CCDC144A: variants seen among roughly 807,000 people sequenced by gnomAD.
CCDC144A encodes the protein coiled-coil domain-containing protein 144A.
In CCDC144A, 41 loss-of-function variants were observed where a neutral mutation model predicts 143.8. The ratio of observed to expected loss-of-function variants is 0.29; its 90% CI spans 0.22 to 0.37. CCDC144A has a LOEUF of 0.37. Among genes scored for constraint, CCDC144A ranks in the 10% least tolerant of loss-of-function variants. The probability of loss-of-function intolerance (pLI) is 1.00; values close to 1 mark genes in which losing one functional copy is unlikely to be tolerated. For missense variants in CCDC144A, 637 were observed against 1,488.8 expected (o/e 0.43, Z 9.41); for synonymous variants, 242 against 517.9 (o/e 0.47, Z 7.23).
At chr17:16,771,137 T>C (rs187672626) in intron 15 of CCDC144A, among the ~76,000 whole-genome samples, 4 of 152,346 alleles carry the variant, frequency 2.6e-5, no homozygotes, top group Non-Finnish European at 5.9e-5. Flanking sequence ...GCACTCTAGA[T>C]AGGGACACTG....
chr17:16,681,949 G>A, the CCDC144A span, among the ~76,000 whole-genome samples: 20 of 151,996 alleles, frequency 1.3e-4, no homozygotes, highest in East Asian at 9.6e-4. Flanking sequence ...TGAAAAAAAG[G>A]GCAATGATAA....
At chr17:16,772,688 A>G (rs1283561325) in intron 16 of CCDC144A, 2 of 1,612,284 alleles carry the variant, frequency 1.2e-6, no homozygotes, top group East Asian at 2.2e-5. Flanking sequence ...CTATCTGCCA[A>G]CCTTTTTTTC....
the CCDC144A span, among the ~76,000 whole-genome samples, chr17:16,677,111 CT>C: frequency 2.0e-5 from 3 of 152,136 alleles, no homozygotes; most frequent in Admixed American, 6.6e-5. Context: ...CAGTTGACCC[CT>C]ATATCCACAT....
chr17:16,691,443 A>G (rs989818624), intron 1 of CCDC144A, among the ~76,000 whole-genome samples: 1 of 151,620 alleles, frequency 6.6e-6, no homozygotes, highest in African/African-American at 2.4e-5. Context: ...AGTCTCATCC[A>G]TGACTCATGA....
chr17:16,745,062 G>A (rs559085048), intron 12 of CCDC144A, among the ~76,000 whole-genome samples: 2 of 151,646 alleles, frequency 1.3e-5, no homozygotes, highest in Non-Finnish European at 2.9e-5. Context: ...TGTTGAAAGG[G>A]CAATAGTTGA....
chr17:16,767,811 C>T (rs982424251), intron 15 of CCDC144A, among the ~76,000 whole-genome samples: 1 of 152,210 alleles, frequency 6.6e-6, no homozygotes, highest in Non-Finnish European at 1.5e-5. Flanking sequence ...GTTTTCTCTA[C>T]ATTCATGACA....
chr17:16,754,628 T>C (rs1297429436), intron 12 of CCDC144A, among the ~76,000 whole-genome samples: 1 of 152,218 alleles, frequency 6.6e-6, no homozygotes, highest in Non-Finnish European at 1.5e-5. Flanking sequence ...ATATTTGATA[T>C]GAGCTTTTAA....
chr17:16,707,282 GT>G (rs1382834965), intron 3 of CCDC144A, 186 bp from the exon 4 acceptor site: 3 of 481,526 alleles, frequency 6.2e-6, no homozygotes, highest in African/African-American at 6.1e-5. Context: ...CCAGAAAGTG[GT>G]TTGTTGAAGT....
chr17:16,754,983 T>G (rs1483780366), intron 12 of CCDC144A, among the ~76,000 whole-genome samples: 2 of 152,254 alleles, frequency 1.3e-5, no homozygotes. Context: ...TATAATGCCC[T>G]TCTCTTTCTC....
intron 12 of CCDC144A, among the ~76,000 whole-genome samples, chr17:16,752,167 G>T (rs556819265): frequency 2.6e-4 from 40 of 152,268 alleles, no homozygotes; most frequent in South Asian, 8.3e-4. Flanking sequence ...CGTGAGCTTC[G>T]CCTCTTGTCA....
chr17:16,707,363 C>G, intron 3 of CCDC144A, 106 bp from the exon 4 acceptor site: 2 of 639,234 alleles, frequency 3.1e-6, no homozygotes, highest in Non-Finnish European at 5.4e-6. Flanking sequence ...TTTAAACTCT[C>G]AATTTATGAA....
chr17:16,689,135 C>CCTTT (rs1357172963), upstream of CCDC144A, among the ~76,000 whole-genome samples: 6 of 152,204 alleles, frequency 3.9e-5, no homozygotes, highest in African/African-American at 9.6e-5. Flanking sequence ...ACCCTTCCTT[C>CCTTT]CTTTCTTTCT....
the CCDC144A span, among the ~76,000 whole-genome samples, chr17:16,673,433 C>G: frequency 6.7e-6 from 1 of 149,214 alleles, no homozygotes; most frequent in Admixed American, 6.7e-5. Context: ...GTTGCCCAGG[C>G]TGGAGTACAG....
At chr17:16,688,093 AT>A (rs1334218036), upstream of CCDC144A, among the ~76,000 whole-genome samples, 3 of 151,568 alleles carry the variant, frequency 2.0e-5, 1 homozygote, top group Non-Finnish European at 4.4e-5. Flanking sequence ...GTTTCTAATT[AT>A]TTTTTTCTCA....
intron 12 of CCDC144A, among the ~76,000 whole-genome samples, chr17:16,754,248 C>T (rs1462483195): frequency 6.6e-6 from 1 of 152,208 alleles, no homozygotes; most frequent in Non-Finnish European, 1.5e-5. Context: ...TATTAGTCTA[C>T]CTCATTCAGT....
chr17:16,744,210 A>G (rs568053013), intron 12 of CCDC144A, among the ~76,000 whole-genome samples: 2 of 152,284 alleles, frequency 1.3e-5, no homozygotes, highest in South Asian at 2.1e-4. Context: ...TAACCAACTA[A>G]TGGGATTGCT....
chr17:16,690,835 C>A lies in CCDC144A; in HGVS notation c.344+91C>A, dbSNP rs201802789. ...CACGGCACCCGGGATGGGGAAACGTCAGAGGGGTCAGGGGCCCAGGCCTCT... is the reference window on the plus strand; with the variant it reads ...CACGGCACCCGGGATGGGGAAACGTAAGAGGGGTCAGGGGCCCAGGCCTCT... On this transcript the variant is annotated intron_variant, in intron 1 of 16. Coordinates refer to ENST00000399273, the MANE Select transcript of CCDC144A (RefSeq NM_001382000.1). The A allele has an allele frequency of 4.2e-4, 561 of 1,333,554 alleles. 3 individuals are homozygous for A. In the East Asian group the frequency reaches 0.011, roughly 26 times the overall value. 82.6% of individuals were successfully genotyped at this position (1,333,554 alleles called of 1,614,324 possible). A position where few individuals can be genotyped will look rare whatever the true frequency, so the allele number is the denominator to read the frequency against.
the CCDC144A span, among the ~76,000 whole-genome samples, chr17:16,681,413 T>C: frequency 3.3e-5 from 5 of 152,218 alleles, no homozygotes; most frequent in Admixed American, 3.3e-4. Flanking sequence ...ATTGATTCTG[T>C]TATTTGAAAA....
chr17:16,749,252 G>A (rs1455286132), intron 12 of CCDC144A, among the ~76,000 whole-genome samples: 1 of 152,100 alleles, frequency 6.6e-6, no homozygotes, highest in African/African-American at 2.4e-5. Context: ...TTCCTCTTAT[G>A]CTGCTTTCGC....
Sources: allele counts gnomAD v4.1 joint callset (sites outside exome capture counted in the v4.1 genomes callset), GRCh38; gene constraint gnomAD v4.1.1; transcripts MANE v1.5; gene names NCBI Gene and HGNC (gene_info 2026-07-23, HGNC 2026-07-21).